TRPC3: variants seen among roughly 807,000 people sequenced by gnomAD.
TRPC3 encodes short transient receptor potential channel 3.
TRPC3 carries 54 observed loss-of-function variants against 90.9 expected under a neutral mutation model. The ratio of observed to expected loss-of-function variants is 0.59; its 90% CI spans 0.48 to 0.75. The LOEUF (loss-of-function observed/expected upper bound fraction) is 0.75. Among genes scored for constraint, TRPC3 ranks in the 30% least tolerant of loss-of-function variants. The pLI is 0.00. For missense variants in TRPC3, 918 were observed against 1,194.5 expected (o/e 0.77, Z 3.41); for synonymous variants, 424 against 450.9 (o/e 0.94, Z 0.75).
At chr4:121,936,838 C>G (rs1163657962) in intron 1 of TRPC3, among the ~76,000 whole-genome samples, 2 of 152,168 alleles carry the variant, frequency 1.3e-5, no homozygotes, top group South Asian at 2.1e-4. Flanking sequence ...AAATAAATTT[C>G]TGTGTGTGTC....
chr4:121,880,878 T>C (rs1741667097), intron 11 of TRPC3, among the ~76,000 whole-genome samples: 1 of 151,856 alleles, frequency 6.6e-6, no homozygotes, highest in Non-Finnish European at 1.5e-5. Flanking sequence ...TCTTCTATTA[T>C]ATAAAAGTCA....
Position 121,877,724 on chromosome 4 carries a change from A to G in TRPC3, c.*2012T>C, listed in dbSNP as rs1266117166. On this transcript the variant is annotated 3_prime_UTR_variant, in exon 12 of 12. Transcript: ENST00000379645. ...ATTAAAACTATACCAGTTTGTACAT[A>G]GTAAATAAAGAAAAAATGCCTGTTA... Among the ~76,000 whole-genome samples the G allele has an allele frequency of 6.6e-6, 1 of 151,400 alleles. No individual in the cohort carries two copies. The highest frequency in any genetic ancestry group is 1.5e-5 in the Non-Finnish European group (1 of 67,872).
chr4:121,879,625 T>C lies in TRPC3; in HGVS notation c.*111A>G, dbSNP rs199870383. ...AGCTAACTTTTAAAGGTTCACATGA[T>C]AAAGGTAGTTAATACTAAAAATTTA... On this transcript the variant is annotated 3_prime_UTR_variant, in exon 12 of 12. Transcript: ENST00000379645. 4.3e-6 allele frequency: 5 copies of C among 1,167,662 alleles called. No homozygotes were observed. Among genetic ancestry groups the C allele is most frequent in the Non-Finnish European group, 6.0e-6 (5 of 832,656 alleles). The allele number at this position is 1,167,662 out of a possible 1,614,324, so 72.3% of individuals were successfully genotyped here.
chr4:121,886,839 T>C (rs1728140314), intron 10 of TRPC3, among the ~76,000 whole-genome samples: 1 of 152,110 alleles, frequency 6.6e-6, no homozygotes, highest in Non-Finnish European at 1.5e-5. Flanking sequence ...GTAGAGAGTT[T>C]ATCTGGGCCA....
At chr4:121,940,638 C>T (rs1297502502) in intron 1 of TRPC3, among the ~76,000 whole-genome samples, 4 of 152,212 alleles carry the variant, frequency 2.6e-5, no homozygotes, top group African/African-American at 9.6e-5. Flanking sequence ...CAGGGCAATG[C>T]CGATATGACC....
intron 10 of TRPC3, among the ~76,000 whole-genome samples, chr4:121,883,197 T>C (rs1728002820): frequency 6.6e-6 from 1 of 152,052 alleles, no homozygotes; most frequent in Admixed American, 6.6e-5. Context: ...AAGAACGTAT[T>C]ATATAAGAGA....
Position 121,879,658 on chromosome 4 carries a change from G to T in TRPC3, c.*78C>A. 6.7e-7 allele frequency: 1 copy of T among 1,487,088 alleles called. No individual in the cohort carries two copies. Among genetic ancestry groups the T allele is most frequent in the South Asian group, 1.3e-5 (1 of 75,896 alleles). 92.1% of individuals were successfully genotyped at this position (1,487,088 alleles called of 1,614,324 possible). ...GTTAATACTAAAAATTTACATCATA[G>T]TTTTTCAAGTATTTCATACTTAGAA... On this transcript the variant is annotated 3_prime_UTR_variant, in exon 12 of 12. Transcript: ENST00000379645.
intron 10 of TRPC3, 43 bp from the exon 11 acceptor site, chr4:121,882,472 T>C (rs199611344): frequency 2.5e-6 from 4 of 1,571,502 alleles, no homozygotes; most frequent in Non-Finnish European, 3.5e-6. Context: ...ATGATATACA[T>C]AAGTGCCCCA....
intron 2 of TRPC3, among the ~76,000 whole-genome samples, chr4:121,926,750 CA>C (rs1729731259): frequency 6.6e-6 from 1 of 152,178 alleles, no homozygotes; most frequent in South Asian, 2.1e-4. Flanking sequence ...TTTAGGTTGA[CA>C]GTGAAAAATA....
chr4:121,914,889 A>C lies in TRPC3; in HGVS notation c.1232T>G (p.Leu411Arg). The change falls in exon 4 of 12, where the codon CTC (leucine) becomes CGC (arginine). Residue 411 changes from leucine (L) to arginine (R), a missense_variant. Leu to Arg is a moderately radical substitution (Grantham distance 102). This residue lies in a region of TRPC3 where 609 missense variants were observed against 725.9 expected (regional missense o/e 0.84). Coordinates refer to ENST00000379645, the MANE Select transcript of TRPC3 (RefSeq NM_001130698.2). ...QQLLTIWYENLSGLREQTIAI... is the reference protein window; with the variant it reads ...QQLLTIWYENRSGLREQTIAI... The stretch of plus-strand genomic sequence containing the variant: ...TATGGTCTGCTCCCTTAGGCCTGAG[A>C]GGTTCTCATACCAGATCGTCAAGAG... 1.2e-6 allele frequency: 2 copies of C among 1,613,524 alleles called. No homozygotes were observed. Among genetic ancestry groups the C allele is most frequent in the Non-Finnish European group, 1.7e-6 (2 of 1,179,530 alleles).
At chr4:121,925,551 G>A (rs1271840900) in intron 2 of TRPC3, among the ~76,000 whole-genome samples, 1 of 152,206 alleles carries the variant, frequency 6.6e-6, no homozygotes, top group African/African-American at 2.4e-5. Context: ...AGTAGAGATG[G>A]AATGAGGAGA....
chr4:121,933,034 T>C lies in TRPC3; in HGVS notation c.224A>G (p.Glu75Gly), dbSNP rs771787491. ...PFSHGPDLSM[E>G]GSPSLRRMTV... ...CATGCGTCTCAGGGATGGGCTTCCC[T>C]CCATGGACCTAATCAGTAGCAACGA... Residue 75 changes from glutamate (E) to glycine (G), a missense_variant, in exon 2 of 12, where the codon GAG becomes GGG. Transcript: ENST00000379645. The C allele has an allele frequency of 1.9e-6, 3 of 1,579,034 alleles. No homozygotes were observed. Among genetic ancestry groups the C allele is most frequent in the Non-Finnish European group, 2.6e-6 (3 of 1,161,816 alleles).
chr4:121,930,502 T>C (rs1399841588), intron 2 of TRPC3, among the ~76,000 whole-genome samples: 1 of 152,138 alleles, frequency 6.6e-6, no homozygotes, highest in Non-Finnish European at 1.5e-5. Context: ...AGGGTAAAAC[T>C]ATGAATAACA....
Position 121,932,580 on chromosome 4 carries a change from G to C in TRPC3, c.678C>G (p.Asp226Glu), listed in dbSNP as rs1399391147. Reference sequence around the variant, plus strand: ...TGATGTCCGGCGAGAAGCGCGTGCCGTCCTCGTCGTAAGCGTAGAAGTCGT... The same window carrying C: ...TGATGTCCGGCGAGAAGCGCGTGCCCTCCTCGTCGTAAGCGTAGAAGTCGT... ...QDDDFYAYDE[D>E]GTRFSPDITP... Residue 226 changes from aspartate to glutamate, a missense_variant, in exon 2 of 12, where the codon GAC (aspartate) becomes GAG (glutamate). By Grantham distance (45) the Asp-to-Glu change is conservative (BLOSUM62 2). Coordinates refer to ENST00000379645, the MANE Select transcript of TRPC3 (RefSeq NM_001130698.2). This position sits in a 1 kb window ranked among gnomAD's most constrained non-coding sequence, Gnocchi z 7.7. 6.2e-7 allele frequency: 1 copy of C among 1,614,234 alleles called. No homozygotes were observed. Among genetic ancestry groups the C allele is most frequent in the Non-Finnish European group, 8.5e-7 (1 of 1,180,050 alleles).
At chr4:121,894,112 G>T (rs1330691458) in intron 10 of TRPC3, among the ~76,000 whole-genome samples, 1 of 152,054 alleles carries the variant, frequency 6.6e-6, no homozygotes, top group African/African-American at 2.4e-5. Context: ...TATACAAAAT[G>T]ACTTACTACA....
intron 3 of TRPC3, among the ~76,000 whole-genome samples, chr4:121,921,338 C>T (rs1034179426): frequency 4.0e-5 from 6 of 151,510 alleles, no homozygotes; most frequent in South Asian, 4.2e-4. Context: ...CCGGCTAAAA[C>T]GGTGAAACCC....
intron 11 of TRPC3, among the ~76,000 whole-genome samples, chr4:121,881,031 G>A (rs1211731675): frequency 6.6e-6 from 1 of 151,486 alleles, no homozygotes; most frequent in African/African-American, 2.4e-5. Context: ...TTGAAATCAT[G>A]AGGCAGACTT....
chr4:121,928,993 T>C (rs1729807057), intron 2 of TRPC3, among the ~76,000 whole-genome samples: 1 of 152,232 alleles, frequency 6.6e-6, no homozygotes, highest in Non-Finnish European at 1.5e-5. Flanking sequence ...AGCTGTGTGA[T>C]ATTGTGGAAT....
intron 11 of TRPC3, 59 bp from the exon 12 acceptor site, chr4:121,879,937 A>C: frequency 6.9e-7 from 1 of 1,445,506 alleles, no homozygotes; most frequent in Non-Finnish European, 9.2e-7. Flanking sequence ...AGAAATGAAC[A>C]AAGAGTGAAA....
Sources: gnomAD v4.1 joint callset for allele counts (sites outside exome capture counted in the v4.1 genomes callset) on GRCh38, gnomAD v4.1.1 for gene constraint, gnomAD v4.1.1 regional missense constraint, Gnocchi (gnomAD v3.1) non-coding constraint, MANE v1.5 for transcripts, NCBI Gene and HGNC (gene_info 2026-07-23, HGNC 2026-07-21) for gene names.